Variants in RPH3A observed in about 807,000 individuals in gnomAD.
RPH3A encodes the protein rabphilin 3A.
A neutral mutation model predicts 102.2 loss-of-function variants in RPH3A; 48 were observed. The observed-to-expected ratio is 0.47, with a 90% CI of 0.37 to 0.60. The LOEUF is 0.60. Ranked by LOEUF, RPH3A falls within the 20% of genes least tolerant of loss-of-function variation. RPH3A has a pLI of 0.00. For missense variants in RPH3A, 781 were observed against 910.1 expected (o/e 0.86, Z 1.83); for synonymous variants, 310 against 324.3 (o/e 0.96, Z 0.47).
At chr12:112,669,832 A>G (rs2040114432) in intron 1 of RPH3A, among the ~76,000 whole-genome samples, 1 of 152,180 alleles carries the variant, frequency 6.6e-6, no homozygotes, top group Non-Finnish European at 1.5e-5. Context: ...ATTCTATTGT[A>G]TGGCTATAGC....
chr12:112,633,224 A>T (rs2039820109), intron 1 of RPH3A, among the ~76,000 whole-genome samples: 1 of 152,162 alleles, frequency 6.6e-6, no homozygotes, highest in Non-Finnish European at 1.5e-5. Context: ...AGAAACAAAA[A>T]AGATAACAAT....
chr12:112,655,066 TGCTTGAAGGCCATG>T (rs1288170312), intron 1 of RPH3A, among the ~76,000 whole-genome samples: 4 of 152,242 alleles, frequency 2.6e-5, no homozygotes, highest in Non-Finnish European at 4.4e-5. Flanking sequence ...CTGATTGATA[TGCTTGAAGGCCATG>T]GCTTGAAGGC....
At position 112,712,912 on chromosome 12, in the gene RPH3A, CT is replaced by C. The variant is rs1403551832; in HGVS notation, c.-139-79229del. Among the ~76,000 whole-genome samples, 3 of 111,628 alleles carry C rather than the reference CT, an allele frequency of 2.7e-5. 1 individual carries two copies. Among genetic ancestry groups the C allele is most frequent in the African/African-American group, 7.7e-5 (2 of 26,130 alleles). 73.2% of individuals were successfully genotyped at this position (111,628 alleles called of 152,430 possible). A position where few individuals can be genotyped will look rare whatever the true frequency, so the allele number is the denominator to read the frequency against. On this transcript the variant is annotated intron_variant, in intron 1 of 21. Coordinates refer to the RPH3A transcript ENST00000543106. ...TCTTCTTCTTCTTCTTCCTCTTCTT[CT>C]TCTTCTTCTTCCTCTTCTTCTTCTT...
At chr12:112,832,141 G>T (rs139354908) in intron 3 of RPH3A, among the ~76,000 whole-genome samples, 1 of 152,112 alleles carries the variant, frequency 6.6e-6, no homozygotes, top group Non-Finnish European at 1.5e-5. Context: ...TTGGGGTCTT[G>T]CTCTGTCTGT....
chr12:112,748,846 A>G (rs1029873616), intron 1 of RPH3A, among the ~76,000 whole-genome samples: 1 of 152,112 alleles, frequency 6.6e-6, no homozygotes, highest in African/African-American at 2.4e-5. Flanking sequence ...ATATTTTGGG[A>G]GATGACATGT....
upstream of RPH3A, among the ~76,000 whole-genome samples, chr12:112,790,186 A>G (rs957094129): frequency 1.3e-5 from 2 of 151,884 alleles, no homozygotes; most frequent in African/African-American, 4.8e-5. Flanking sequence ...CCTCCCGAGT[A>G]GCTGGGATTA....
At chr12:112,841,440 T>C (rs1004113221) in intron 4 of RPH3A, among the ~76,000 whole-genome samples, 1 of 152,116 alleles carries the variant, frequency 6.6e-6, no homozygotes, top group African/African-American at 2.4e-5. Context: ...TCGGCTTTGC[T>C]ACTTCAAGCT....
At chr12:112,603,234 T>C (rs905651653) in intron 1 of RPH3A, among the ~76,000 whole-genome samples, 2 of 152,210 alleles carry the variant, frequency 1.3e-5, no homozygotes, top group African/African-American at 4.8e-5. Flanking sequence ...TCAGCTGTTT[T>C]CTCAAATATC....
At position 112,887,980 on chromosome 12, in the gene RPH3A, T is replaced by C. The variant is rs1012202456; in HGVS notation, c.1563+57T>C. 1.9e-6 allele frequency: 3 copies of C among 1,591,442 alleles called. No individual in the cohort carries two copies. In the African/African-American group the frequency reaches 4.0e-5, roughly 21 times the overall value. On this transcript the variant is annotated intron_variant, in intron 17 of 21. Coordinates refer to ENST00000389385, the MANE Select transcript of RPH3A (RefSeq NM_001143854.2). Reference sequence around the variant, plus strand: ...AGGAGGGGAGATTGGGGGAGCTGCCTTCCTCTGGGTCTGAATTGGGGGAAA... The same window carrying C: ...AGGAGGGGAGATTGGGGGAGCTGCCCTCCTCTGGGTCTGAATTGGGGGAAA...
rs544869905 is a variant in RPH3A, at chr12:112,593,160, C to G, written c.-140+17841C>G. 5.3e-5 allele frequency among the ~76,000 whole-genome samples: 8 copies of G among 152,278 alleles called. No individual in the cohort carries two copies. In the East Asian group the frequency reaches 1.2e-3, roughly 22 times the overall value. Reference sequence around the variant, plus strand: ...ACCAGAGAGCTTGCTGCCTCTCTCTCTCTGCTCATGTGAGGATACAACGAG... The same window carrying G: ...ACCAGAGAGCTTGCTGCCTCTCTCTGTCTGCTCATGTGAGGATACAACGAG... On this transcript the variant is annotated intron_variant, in intron 1 of 21. Coordinates refer to the RPH3A transcript ENST00000543106.
chr12:112,789,026 C>T (rs189568896), upstream of RPH3A, among the ~76,000 whole-genome samples: 6 of 152,208 alleles, frequency 3.9e-5, no homozygotes, highest in East Asian at 1.9e-4. Context: ...AGGCGTGGGG[C>T]GCATACCTGT....
At position 112,583,711 on chromosome 12, in the gene RPH3A, G is replaced by A. The variant is rs543883260; in HGVS notation, c.-140+8392G>A. Among the ~76,000 whole-genome samples the A allele has an allele frequency of 1.6e-4, 25 of 152,216 alleles. No individual in the cohort carries two copies. In the South Asian group the frequency reaches 5.2e-3, roughly 32 times the overall value. On this transcript the variant is annotated intron_variant, in intron 1 of 21. Coordinates refer to the RPH3A transcript ENST00000543106. The stretch of plus-strand genomic sequence containing the variant: ...TACAAAATTAAAGGGCTGGCCATGC[G>A]CGGTGGCTCATGCCTGTAACCCCAG...
At chr12:112,677,085 C>T (rs2040180725) in intron 1 of RPH3A, among the ~76,000 whole-genome samples, 2 of 152,098 alleles carry the variant, frequency 1.3e-5, no homozygotes, top group Admixed American at 6.5e-5. Flanking sequence ...AAGATAGTTC[C>T]TCTCTGGTGA....
chr12:112,607,113 T>C (rs978193639), intron 1 of RPH3A, among the ~76,000 whole-genome samples: 7 of 152,224 alleles, frequency 4.6e-5, no homozygotes, highest in African/African-American at 2.4e-5. Flanking sequence ...CTGCTACTTA[T>C]AGATGCCACT....
At position 112,835,207 on chromosome 12, in the gene RPH3A, C is replaced by A. The variant is rs1028223071; in HGVS notation, c.72-1284C>A. ...TTTGAAGACACTATTGAACTCTGTTCGTTTCCTTTTTTCATAGGAAATTGC... is the reference window on the plus strand; with the variant it reads ...TTTGAAGACACTATTGAACTCTGTTAGTTTCCTTTTTTCATAGGAAATTGC... On this transcript the variant is annotated intron_variant, in intron 3 of 21. Coordinates refer to ENST00000389385, the MANE Select transcript of RPH3A (RefSeq NM_001143854.2). Among the ~76,000 whole-genome samples, 8 of 152,136 alleles carry A rather than the reference C, an allele frequency of 5.3e-5. No homozygotes were observed. In the East Asian group the frequency reaches 1.5e-3, roughly 29 times the overall value.
chr12:112,590,681 A>G (rs1366108796), intron 1 of RPH3A, among the ~76,000 whole-genome samples: 2 of 152,240 alleles, frequency 1.3e-5, no homozygotes, highest in African/African-American at 4.8e-5. Flanking sequence ...TGTTTGAAAT[A>G]ATTTTATTTA....
intron 1 of RPH3A, among the ~76,000 whole-genome samples, chr12:112,675,887 T>C (rs1355020960): frequency 6.6e-6 from 1 of 151,722 alleles, no homozygotes; most frequent in Non-Finnish European, 1.5e-5. Flanking sequence ...GCAGGAACTG[T>C]TTAAATAGGG....
rs565225848 is a variant in RPH3A at position 112,639,632 on chromosome 12, G to C, written c.-140+64313G>C. On this transcript the variant is annotated intron_variant, in intron 1 of 21. Transcript: ENST00000543106. ...TGTAACAAACCTGCACATGTACCCTGGAACTTGAAATGAAAGTTGAAGGGA... is the reference window on the plus strand; with the variant it reads ...TGTAACAAACCTGCACATGTACCCTCGAACTTGAAATGAAAGTTGAAGGGA... Among the ~76,000 whole-genome samples, 10 of 152,238 alleles carry C rather than the reference G, an allele frequency of 6.6e-5. No homozygotes were observed. In the East Asian group the frequency reaches 1.5e-3, roughly 24 times the overall value.
chr12:112,881,670 A>G (rs2042915650), intron 14 of RPH3A, 102 bp from the exon 15 acceptor site: 2 of 731,646 alleles, frequency 2.7e-6, no homozygotes, highest in Admixed American at 4.7e-5. Context: ...CACAGCGTGG[A>G]CCAACAGGCA....
Sources: gnomAD v4.1 joint callset for allele counts (sites outside exome capture counted in the v4.1 genomes callset) on GRCh38, gnomAD v4.1.1 for gene constraint, MANE v1.5 for transcripts, NCBI Gene and HGNC (gene_info 2026-07-23, HGNC 2026-07-21) for gene names.